The following TMEM18 variants were observed in gnomAD, a reference collection of about 807,000 sequenced individuals.
The protein encoded by TMEM18 is transmembrane protein 18.
Under a neutral mutation model 17.4 loss-of-function variants are expected in TMEM18, and 14 were observed. The ratio of observed to expected loss-of-function variants is 0.80; its 90% CI spans 0.53 to 1.25. TMEM18 has a LOEUF of 1.25. Ranked by LOEUF, TMEM18 falls within the 50% of genes most tolerant of loss-of-function variation. The probability of loss-of-function intolerance (pLI) is 0.00; values close to 1 mark genes in which losing one functional copy is unlikely to be tolerated. For missense variants in TMEM18, 187 were observed against 172.1 expected (o/e 1.09, Z -0.48); for synonymous variants, 86 against 66.1 (o/e 1.30, Z -1.46).
In TMEM18 at chr2:669,406, T is replaced by C; in HGVS notation, c.*174A>G. 2 of 680,280 alleles carry C rather than the reference T, an allele frequency of 2.9e-6. No homozygotes were observed. Among genetic ancestry groups the C allele is most frequent in the East Asian group, 2.5e-5 (1 of 39,486 alleles). 42.1% of individuals were successfully genotyped at this position (680,280 alleles called of 1,614,324 possible). On this transcript the variant is annotated 3_prime_UTR_variant, in exon 5 of 5. Transcript: ENST00000281017. ...CGCATGTCCTGATGGATACATTCAG[T>C]GCTGGCTGAAAAGCCAACTTCAGTG...
intron 1 of TMEM18, chr2:676,676 C>T (rs1375834824): frequency 6.5e-7 from 1 of 1,541,492 alleles, no homozygotes; most frequent in Non-Finnish European, 8.8e-7. Context: ...GTGGGCTCCC[C>T]TGGGATCTGT....
In TMEM18 at chr2:669,659, T is replaced by G. The variant is rs974593516; in HGVS notation, c.344A>C (p.Lys115Thr). The change falls in exon 5 of 5, where the codon AAG becomes ACG. Residue 115 changes from lysine to threonine, a missense_variant. By Grantham distance (78) the Lys-to-Thr change is moderately conservative. Transcript: ENST00000281017. ...CAGGTCAGTCATCACATTCAAAGTCTTCCATACCCACATAACCTAAACACA... is the reference window on the plus strand; with the variant it reads ...CAGGTCAGTCATCACATTCAAAGTCGTCCATACCCACATAACCTAAACACA... ...AMIIVVMWVW[K>T]TLNVMTDLKN... is the part of the protein sequence containing the mutation. The G allele has an allele frequency of 6.8e-6, 11 of 1,614,046 alleles. No homozygotes were observed. The highest frequency in any genetic ancestry group is 3.3e-5 in the Admixed American group (2 of 60,002).
chr2:670,231 C>A (rs752903970), intron 3 of TMEM18: 29 of 183,348 alleles, frequency 1.6e-4, no homozygotes, highest in Non-Finnish European at 2.6e-4. Flanking sequence ...CGTCAATAAT[C>A]CCCTCCCCGT....
chr2:677,053 G>GGC, intron 1 of TMEM18: 1 of 201,710 alleles, frequency 5.0e-6, no homozygotes, highest in Non-Finnish European at 8.7e-6. Flanking sequence ...GCGCCCCGAC[G>GGC]CCCGGCCCCG....
rs1271471252 is a variant in TMEM18 at position 665,340 on chromosome 2, T to C, written c.*4240A>G. Among the ~76,000 whole-genome samples, 1 of 151,128 alleles carries C rather than the reference T, an allele frequency of 6.6e-6. No homozygotes were observed. Among genetic ancestry groups the C allele is most frequent in the Non-Finnish European group, 1.5e-5 (1 of 67,906 alleles). ...GAACCCAGAGATGCAGATGCACCAC[T>C]CACTCAGATAGAGAATCAACCCCAC... On this transcript the variant is annotated 3_prime_UTR_variant, in exon 5 of 5. Coordinates refer to ENST00000281017, the MANE Select transcript of TMEM18 (RefSeq NM_152834.4).
intron 3 of TMEM18, 76 bp from the exon 4 acceptor site, chr2:669,926 A>G: frequency 8.5e-7 from 1 of 1,178,520 alleles, no homozygotes; most frequent in South Asian, 1.4e-5. Flanking sequence ...TATTTAGATA[A>G]GACTTTGGAG....
At chr2:676,133 C>T (rs1023770192) in intron 1 of TMEM18, 7 of 1,325,210 alleles carry the variant, frequency 5.3e-6, no homozygotes, top group Admixed American at 2.3e-5. Flanking sequence ...CTTGAGCCAT[C>T]GCCACGTGCA....
rs538506185 is a variant in TMEM18, at chr2:670,156, A to G, written c.234-306T>C. ...CCTGCAAGCCCTCTGGGTCATCAGC[A>G]GCACATCTGACCTTAGCTGGAAGAC... On this transcript the variant is annotated intron_variant, in intron 3 of 4. Coordinates refer to ENST00000281017, the MANE Select transcript of TMEM18 (RefSeq NM_152834.4). 23 of 328,226 alleles carry G rather than the reference A, an allele frequency of 7.0e-5. 1 individual carries two copies. The South Asian group carries it at 8.6e-4, about 12-fold the overall frequency. The allele number at this position is 328,226 out of a possible 1,614,324, so 20.3% of individuals were successfully genotyped here.
At position 664,157 on chromosome 2, in the gene TMEM18, G is replaced by C. The variant is rs1678613567; in HGVS notation, c.*5423C>G. 6.6e-6 allele frequency among the ~76,000 whole-genome samples: 1 copy of C among 152,228 alleles called. No individual in the cohort carries two copies. Among genetic ancestry groups the C allele is most frequent in the Admixed American group, 6.5e-5 (1 of 15,290 alleles). ...CCAGCCACCCATCAGTGTGAACTAA[G>C]TAACAGGTGAAATCATAAGGATGGC... On this transcript the variant is annotated 3_prime_UTR_variant, in exon 5 of 5. Transcript: ENST00000281017.
At chr2:676,423 C>T in intron 1 of TMEM18, 1 of 1,340,672 alleles carries the variant, frequency 7.5e-7, no homozygotes, top group Non-Finnish European at 1.0e-6. Flanking sequence ...GCCCTCCAAG[C>T]TGCAGCCCCG....
In TMEM18 at chr2:668,269, A is replaced by C. The variant is rs2103089024; in HGVS notation, c.*1311T>G. ...AGATGCAATTTGGGTGGGGACACAAAGCCAAACCATATCAGATGGTGAAAA... is the reference window on the plus strand; with the variant it reads ...AGATGCAATTTGGGTGGGGACACAACGCCAAACCATATCAGATGGTGAAAA... On this transcript the variant is annotated 3_prime_UTR_variant, in exon 5 of 5. Transcript: ENST00000281017. The C allele has an allele frequency of 6.6e-6, 1 of 152,330 alleles. No individual in the cohort carries two copies. The highest frequency in any genetic ancestry group is 2.4e-5 in the African/African-American group (1 of 41,550). 9.4% of individuals were successfully genotyped at this position (152,330 alleles called of 1,614,324 possible). A position where few individuals can be genotyped will look rare whatever the true frequency, so the allele number is the denominator to read the frequency against.
At position 669,722 on chromosome 2, in the gene TMEM18, A is replaced by G. The variant is rs796310125; in HGVS notation, c.327+35T>C. Reference sequence around the variant, plus strand: ...ATGTTTAGATTTGAAAAACATACACATGAAGAAAGACAACTGAAAGTGTCA... The same window carrying G: ...ATGTTTAGATTTGAAAAACATACACGTGAAGAAAGACAACTGAAAGTGTCA... On this transcript the variant is annotated intron_variant, in intron 4 of 4. Coordinates refer to ENST00000281017, the MANE Select transcript of TMEM18 (RefSeq NM_152834.4). 7 of 1,613,872 alleles carry G rather than the reference A, an allele frequency of 4.3e-6. No homozygotes were observed. In the African/African-American group the frequency reaches 8.0e-5, roughly 18 times the overall value.
intron 2 of TMEM18, among the ~76,000 whole-genome samples, chr2:675,199 G>A (rs985752160): frequency 6.6e-6 from 1 of 152,214 alleles, no homozygotes; most frequent in Admixed American, 6.5e-5. Flanking sequence ...GAGCACAGCT[G>A]CCACCAAGGA....
chr2:676,725 G>C (rs1337033646), intron 1 of TMEM18: 3 of 1,335,706 alleles, frequency 2.2e-6, no homozygotes. Flanking sequence ...GCCCACACTG[G>C]GCAGCGTTCC....
At chr2:670,954 G>C (rs910306305) in intron 3 of TMEM18, 17 of 152,376 alleles carry the variant, frequency 1.1e-4, no homozygotes, top group African/African-American at 3.9e-4. Context: ...GGTCGGCGAG[G>C]GTGGGGTGAA....
At chr2:673,455 A>G (rs921177422) in intron 2 of TMEM18, among the ~76,000 whole-genome samples, 2 of 152,158 alleles carry the variant, frequency 1.3e-5, no homozygotes, top group Non-Finnish European at 2.9e-5. Flanking sequence ...CAGGGTCTTC[A>G]GCTAATTCGT....
chr2:676,084 T>C, intron 1 of TMEM18: 1 of 1,321,422 alleles, frequency 7.6e-7, no homozygotes, highest in South Asian at 1.2e-5. Flanking sequence ...TGAATCATCA[T>C]TTCAGACTCC....
At chr2:669,967 AC>A (rs1678798446) in intron 3 of TMEM18, 117 bp from the exon 4 acceptor site, 1 of 754,726 alleles carries the variant, frequency 1.3e-6, no homozygotes, top group African/African-American at 1.8e-5. Context: ...TGGGAGCAAC[AC>A]CCTCACTGGG....
At chr2:676,199 C>A in intron 1 of TMEM18, 1 of 1,366,916 alleles carries the variant, frequency 7.3e-7, no homozygotes, top group South Asian at 1.2e-5. Context: ...GACAGTGCCG[C>A]ACTCCGCCGC....
Sources: allele counts gnomAD v4.1 joint callset (sites outside exome capture counted in the v4.1 genomes callset), GRCh38; gene constraint gnomAD v4.1.1; transcripts MANE v1.5; gene names NCBI Gene and HGNC (gene_info 2026-07-23, HGNC 2026-07-21).